Variants in BID observed in about 807,000 individuals in gnomAD.
The protein encoded by BID is BH3-interacting domain death agonist.
A neutral mutation model predicts 17.4 loss-of-function variants in BID; 19 were observed. The observed-to-expected ratio is 1.09, with a 90% CI of 0.76 to 1.60. The LOEUF is 1.60. BID is among the 40% of genes most tolerant of loss of function. BID has a pLI of 0.00. For missense variants in BID, 226 were observed against 256.0 expected, an observed-to-expected ratio of 0.88 and a Z score of 0.80; for synonymous variants, 108 against 102.8, an observed-to-expected ratio of 1.05 and a Z score of -0.31.
At chr22:17,751,137 C>G (rs1022954470) in intron 1 of BID, among the ~76,000 whole-genome samples, 4 of 151,990 alleles carry the variant, frequency 2.6e-5, no homozygotes, top group Non-Finnish European at 5.9e-5. Flanking sequence ...CTTTGGGAGG[C>G]CGAGGCGGGT....
At chr22:17,752,671 A>T (rs888950075) in intron 1 of BID, among the ~76,000 whole-genome samples, 3 of 149,328 alleles carry the variant, frequency 2.0e-5, no homozygotes, top group Non-Finnish European at 4.5e-5. Context: ...CCAATGGGAC[A>T]TTTTTTTTTT....
At chr22:17,759,242 A>AAAC (rs1344973969) in intron 1 of BID, among the ~76,000 whole-genome samples, 1 of 21,812 alleles carries the variant, frequency 4.6e-5, no homozygotes, top group African/African-American at 1.9e-4. Flanking sequence ...AACAAAAAAC[A>AAAC]AAACAAAAAA....
At chr22:17,744,045 C>A (rs1020789560) in intron 2 of BID, 32 bp from the exon 3 acceptor site, 2 of 1,586,630 alleles carry the variant, frequency 1.3e-6, no homozygotes, top group African/African-American at 2.7e-5. Context: ...GAAGCCGGGA[C>A]TTCAGCCAGG....
At chr22:17,747,520 C>T (rs1225520710) in intron 2 of BID, among the ~76,000 whole-genome samples, 4 of 152,004 alleles carry the variant, frequency 2.6e-5, no homozygotes, top group Non-Finnish European at 5.9e-5. Flanking sequence ...GGGGCTTCAC[C>T]ATGTTGGCCA....
intron 5 of BID, 125 bp downstream of exon 5, chr22:17,737,892 C>A: frequency 9.7e-7 from 1 of 1,032,436 alleles, no homozygotes; most frequent in Admixed American, 2.1e-5. Flanking sequence ...AAACCAAACC[C>A]GAGCAGGACA....
intron 3 of BID, among the ~76,000 whole-genome samples, chr22:17,743,147 A>G (rs1388500902): frequency 6.6e-6 from 1 of 152,240 alleles, no homozygotes; most frequent in Non-Finnish European, 1.5e-5. Context: ...GGTTCCAAAT[A>G]CTTCTGTGTT....
chr22:17,760,451 CAAAA>C (rs55817445), intron 1 of BID, among the ~76,000 whole-genome samples: 6 of 30,766 alleles, frequency 2.0e-4, no homozygotes, highest in African/African-American at 3.3e-4. Context: ...GACTCTGTCT[CAAAA>C]AAAAAAAAAA....
At chr22:17,739,611 G>T in intron 3 of BID, 123 bp from the exon 4 acceptor site, 1 of 1,302,054 alleles carries the variant, frequency 7.7e-7, no homozygotes, top group Non-Finnish European at 1.0e-6. Context: ...GCCCCCACTG[G>T]GCACGTGCTC....
intron 2 of BID, among the ~76,000 whole-genome samples, chr22:17,744,888 G>A (rs1046007044): frequency 2.6e-5 from 4 of 152,202 alleles, no homozygotes; most frequent in African/African-American, 7.2e-5. Context: ...GCTGAGATCT[G>A]CGCAGATTCA....
At chr22:17,763,368 C>T (rs1190374781) in intron 1 of BID, among the ~76,000 whole-genome samples, 1 of 152,036 alleles carries the variant, frequency 6.6e-6, no homozygotes, top group Non-Finnish European at 1.5e-5. Context: ...CTCAGCCTCC[C>T]AAGTAGCTGG....
intron 5 of BID, among the ~76,000 whole-genome samples, chr22:17,737,485 T>G (rs1304558623): frequency 6.6e-6 from 1 of 152,200 alleles, no homozygotes; most frequent in African/African-American, 2.4e-5. Context: ...TAGCTGGGAC[T>G]ACAGGTGTGC....
Position 17,734,455 on chromosome 22 carries a change from T to G in BID, c.*1125A>C, listed in dbSNP as rs999069318. ...TGTGATATGGACCCAGCATCCACTGTCGTGCTTTTAAACTGATTCCTGGGA... is the reference window on the plus strand; with the variant it reads ...TGTGATATGGACCCAGCATCCACTGGCGTGCTTTTAAACTGATTCCTGGGA... On this transcript the variant is annotated 3_prime_UTR_variant, in exon 6 of 6. Coordinates refer to ENST00000622694, the MANE Select transcript of BID (RefSeq NM_001196.4). 2 of 152,228 alleles carry G rather than the reference T, an allele frequency of 1.3e-5. No homozygotes were observed. Among genetic ancestry groups the G allele is most frequent in the Non-Finnish European group, 2.9e-5 (2 of 68,042 alleles). 9.4% of individuals were successfully genotyped at this position (152,228 alleles called of 1,614,324 possible). A position where few individuals can be genotyped will look rare whatever the true frequency, so the allele number is the denominator to read the frequency against.
chr22:17,749,003 G>A lies in BID; in HGVS notation c.12+1102C>T, dbSNP rs8140566. ...CAGCCACCACGCTGAAATCCACACCGTCCCCACCTTTGGAAAGGACCCCCA... is the reference window on the plus strand; with the variant it reads ...CAGCCACCACGCTGAAATCCACACCATCCCCACCTTTGGAAAGGACCCCCA... On this transcript the variant is annotated intron_variant, in intron 2 of 5. Transcript: ENST00000622694. 3.7e-3 allele frequency among the ~76,000 whole-genome samples: 563 copies of A among 152,234 alleles called. 2 individuals are homozygous for A. Among genetic ancestry groups the A allele is most frequent in the African/African-American group, 0.013 (539 of 41,540 alleles).
chr22:17,768,038 G>A (rs767171298), intron 1 of BID, among the ~76,000 whole-genome samples: 3 of 152,174 alleles, frequency 2.0e-5, no homozygotes, highest in Non-Finnish European at 4.4e-5. Flanking sequence ...AAAAGACCAC[G>A]TAGTGTGTGA....
chr22:17,770,278 C>A (rs2061709705), intron 1 of BID, among the ~76,000 whole-genome samples: 1 of 152,192 alleles, frequency 6.6e-6, no homozygotes, highest in South Asian at 2.1e-4. Context: ...TCATGTCGGG[C>A]TTTGAACCTG....
chr22:17,752,743 G>C (rs1296601664), intron 1 of BID, among the ~76,000 whole-genome samples: 2 of 151,806 alleles, frequency 1.3e-5, no homozygotes, highest in Non-Finnish European at 2.9e-5. Flanking sequence ...TTGGCTCACT[G>C]CATGCTCCAC....
At position 17,741,767 on chromosome 22, in the gene BID, C is replaced by T. The variant is rs188371991; in HGVS notation, c.223+2036G>A. On this transcript the variant is annotated intron_variant, in intron 3 of 5. Transcript: ENST00000622694. ...CTGGGATTACAGGCGTGAACCACTG[C>T]ACCCAGCCTCACTGTAGCATTTATA... Among the ~76,000 whole-genome samples the T allele has an allele frequency of 9.2e-5, 14 of 152,306 alleles. No individual in the cohort carries two copies. In the East Asian group the frequency reaches 2.7e-3, roughly 29 times the overall value.
intron 1 of BID, among the ~76,000 whole-genome samples, chr22:17,756,421 TTTCTTTCTTTC>T (rs762906609): frequency 0.033 from 1,896 of 57,856 alleles, 37 homozygotes; most frequent in East Asian, 0.24. Context: ...TCTTTCTTTC[TTTCTTTCTTTC>T]TTCTTTCTTT....
intron 1 of BID, among the ~76,000 whole-genome samples, chr22:17,764,523 G>A (rs527615611): frequency 2.1e-4 from 32 of 152,374 alleles, no homozygotes; most frequent in African/African-American, 7.7e-4. Context: ...AGAGATCACA[G>A]ATGCTGAATA....
Sources: allele counts gnomAD v4.1 joint callset (sites outside exome capture counted in the v4.1 genomes callset), GRCh38; gene constraint gnomAD v4.1.1; transcripts MANE v1.5; gene names NCBI Gene and HGNC (gene_info 2026-07-23, HGNC 2026-07-21).